RNF216: variants seen among roughly 807,000 people sequenced by gnomAD.
RNF216 encodes ring finger protein 216.
A neutral mutation model predicts 110.8 loss-of-function variants in RNF216; 72 were observed. The ratio of observed to expected loss-of-function variants is 0.65; its 90% CI spans 0.54 to 0.79. The LOEUF (loss-of-function observed/expected upper bound fraction) is 0.79. RNF216 is among the 30% of genes least tolerant of loss of function. The pLI is 0.00. For synonymous variants in RNF216, 495 were observed against 407.5 expected (o/e 1.21, Z -2.59); for missense variants, 1,342 against 1,141.2 (o/e 1.18, Z -2.54).
At chr7:5,637,792 T>G (rs1787482524) in intron 15 of RNF216, among the ~76,000 whole-genome samples, 3 of 152,208 alleles carry the variant, frequency 2.0e-5, no homozygotes, top group African/African-American at 7.2e-5. Flanking sequence ...CTGCCCGCCT[T>G]GGGCTCTCGA....
intron 4 of RNF216, 191 bp from the exon 5 acceptor site, chr7:5,739,543 G>C (rs1336773804): frequency 1.5e-5 from 10 of 670,872 alleles, no homozygotes; most frequent in East Asian, 2.9e-5. Flanking sequence ...ATGAGGTCTA[G>C]AAAGGTCTTG....
At chr7:5,625,676 G>A (rs1172409032) in intron 15 of RNF216, among the ~76,000 whole-genome samples, 1 of 152,238 alleles carries the variant, frequency 6.6e-6, no homozygotes, top group East Asian at 1.9e-4. Context: ...TGCACTGCAT[G>A]CCTACTCTGT....
intron 13 of RNF216, among the ~76,000 whole-genome samples, chr7:5,678,841 G>C (rs1206425548): frequency 6.6e-6 from 1 of 152,190 alleles, no homozygotes; most frequent in Non-Finnish European, 1.5e-5. Context: ...AGCTGGACTG[G>C]ATAAATTAAG....
At chr7:5,623,466 T>C (rs901653089) in intron 16 of RNF216, among the ~76,000 whole-genome samples, 13 of 123,916 alleles carry the variant, frequency 1.0e-4, no homozygotes, top group African/African-American at 1.8e-4. Context: ...ACTCAGTTAC[T>C]TTTTTTTTTT....
rs910126437 is a variant in RNF216, at chr7:5,633,269, G to A, written c.2382+7885C>T. Among the ~76,000 whole-genome samples the A allele has an allele frequency of 4.6e-5, 7 of 151,960 alleles. No homozygotes were observed. In the East Asian group the frequency reaches 8.0e-4, roughly 17 times the overall value. On this transcript the variant is annotated intron_variant, in intron 15 of 16. Coordinates refer to ENST00000389902, the MANE Select transcript of RNF216 (RefSeq NM_207111.4). ...TGGGCTTACAGGTGTGAGCCACTGC[G>A]CCCAGCTGGAAGAGCTGGAAGTAAG... is the stretch of plus-strand genomic sequence containing the variant.
In RNF216 at chr7:5,641,393, T is replaced by C. The variant is rs1787723890; in HGVS notation, c.2160-17A>G. 2 of 1,604,040 alleles carry C rather than the reference T, an allele frequency of 1.2e-6. No homozygotes were observed. Among genetic ancestry groups the C allele is most frequent in the South Asian group, 1.1e-5 (1 of 90,486 alleles). On this transcript the variant is annotated splice_polypyrimidine_tract_variant and intron_variant, in intron 14 of 16. Coordinates refer to ENST00000389902, the MANE Select transcript of RNF216 (RefSeq NM_207111.4). ...TTTTCTTCACTGAAATAAGAAAACATAATTTGGAGCTGGGAGGGAAGATGA... is the reference window on the plus strand; with the variant it reads ...TTTTCTTCACTGAAATAAGAAAACACAATTTGGAGCTGGGAGGGAAGATGA...
Position 5,720,300 on chromosome 7 carries a change from G to A in RNF216, c.1644+733C>T, listed in dbSNP as rs530364143. Among the ~76,000 whole-genome samples, 4 of 152,160 alleles carry A rather than the reference G, an allele frequency of 2.6e-5. No homozygotes were observed. The East Asian group carries it at 7.7e-4, about 29-fold the overall frequency. On this transcript the variant is annotated intron_variant, in intron 9 of 16. Transcript: ENST00000389902. The stretch of plus-strand genomic sequence containing the variant: ...TCAGCCTACTCAACGTGAAGACCAT[G>A]AAGATAAAGACCTTCTCATGCTGAT...
intron 7 of RNF216, among the ~76,000 whole-genome samples, chr7:5,728,223 C>T (rs918946860): frequency 3.9e-5 from 6 of 152,292 alleles, no homozygotes; most frequent in Non-Finnish European, 7.4e-5. Flanking sequence ...CTTCTGGAGA[C>T]CCTTGGTCTA....
At chr7:5,692,972 C>A (rs1791423948) in intron 13 of RNF216, among the ~76,000 whole-genome samples, 2 of 152,196 alleles carry the variant, frequency 1.3e-5, no homozygotes, top group African/African-American at 4.8e-5. Flanking sequence ...GCAAGCATCT[C>A]TTCCTCCTCC....
intron 1 of RNF216, among the ~76,000 whole-genome samples, chr7:5,761,963 A>C (rs1279091749): frequency 3.9e-5 from 6 of 152,206 alleles, no homozygotes; most frequent in Admixed American, 6.5e-5. Flanking sequence ...GTGACTTAGC[A>C]ATTCCACTTC....
At chr7:5,734,125 C>A (rs138739607) in intron 5 of RNF216, among the ~76,000 whole-genome samples, 2,078 of 152,164 alleles carry the variant, frequency 0.014, 43 homozygotes, top group African/African-American at 0.048. Flanking sequence ...AAGGTGGATG[C>A]CAGGGTGTGG....
intron 15 of RNF216, among the ~76,000 whole-genome samples, chr7:5,631,265 G>C (rs1334455905): frequency 6.6e-6 from 1 of 152,164 alleles, no homozygotes; most frequent in African/African-American, 2.4e-5. Context: ...GCCATCCCCT[G>C]AAACAGCCCA....
intron 13 of RNF216, among the ~76,000 whole-genome samples, chr7:5,653,600 CAAAAAAAAA>C (rs34530431): frequency 4.0e-5 from 2 of 50,492 alleles, no homozygotes; most frequent in African/African-American, 8.6e-5. Flanking sequence ...GACTCTGTCT[CAAAAAAAAA>C]AAAAAAAAAA....
chr7:5,751,891 A>G (rs1392035682), intron 3 of RNF216, among the ~76,000 whole-genome samples: 2 of 151,602 alleles, frequency 1.3e-5, no homozygotes, highest in East Asian at 3.8e-4. Context: ...AACAGTTTAA[A>G]AAGTACAATG....
At position 5,624,088 on chromosome 7, in the gene RNF216, T is replaced by G; in HGVS notation, c.2420A>C (p.Glu807Ala). The G allele has an allele frequency of 6.2e-7, 1 of 1,613,880 alleles. No individual in the cohort carries two copies. The highest frequency in any genetic ancestry group is 8.5e-7 in the Non-Finnish European group (1 of 1,179,988). Residue 807 changes from glutamate (E) to alanine (A), a missense_variant, in exon 16 of 17, where the codon GAG (glutamate) becomes GCG (alanine). Physicochemically the swap from Glu to Ala is moderately radical, Grantham distance 107. Transcript: ENST00000389902. This position sits in a 1 kb window ranked among gnomAD's most constrained non-coding sequence, Gnocchi z 4.4. Reference sequence around the variant, plus strand: ...CTTTCTTTTCTGTTCCTCTTCAGCCTCCTTCTGGATTTCCTCAATAAGCTT... The same window carrying G: ...CTTTCTTTTCTGTTCCTCTTCAGCCGCCTTCTGGATTTCCTCAATAAGCTT... ...DEKLIEEIQK[E>A]AEEEQKRKNG...
chr7:5,691,838 A>G (rs1257135846), intron 13 of RNF216, among the ~76,000 whole-genome samples: 1 of 152,258 alleles, frequency 6.6e-6, no homozygotes, highest in Non-Finnish European at 1.5e-5. Flanking sequence ...CTCTTACAGA[A>G]GGCAATGTCT....
At chr7:5,706,090 T>C (rs752036668) in intron 13 of RNF216, among the ~76,000 whole-genome samples, 1 of 151,514 alleles carries the variant, frequency 6.6e-6, no homozygotes, top group Non-Finnish European at 1.5e-5. Flanking sequence ...CATGGTGGCA[T>C]GTGCCTGTAG....
At chr7:5,656,567 G>T (rs1218908176) in intron 13 of RNF216, among the ~76,000 whole-genome samples, 1 of 152,164 alleles carries the variant, frequency 6.6e-6, no homozygotes, top group African/African-American at 2.4e-5. Flanking sequence ...CTCTCAGGGG[G>T]GAAGGAGCAT....
At chr7:5,693,936 G>C (rs752744901) in intron 13 of RNF216, among the ~76,000 whole-genome samples, 14 of 152,126 alleles carry the variant, frequency 9.2e-5, no homozygotes, top group Non-Finnish European at 8.8e-5. Flanking sequence ...TGTTCTATAA[G>C]ATGGAATTCA....
Sources: allele counts gnomAD v4.1 joint callset (sites outside exome capture counted in the v4.1 genomes callset), GRCh38; gene constraint gnomAD v4.1.1; non-coding constraint Gnocchi (gnomAD v3.1); transcripts MANE v1.5; gene names NCBI Gene and HGNC (gene_info 2026-07-23, HGNC 2026-07-21).